GPSM2: variants seen among roughly 807,000 people sequenced by gnomAD.
GPSM2 encodes the protein G protein-signaling modulator 2.
A neutral mutation model predicts 78.4 loss-of-function variants in GPSM2; 58 were observed. The observed-to-expected ratio is 0.74, with a 90% CI of 0.60 to 0.92. The LOEUF is 0.92. Among genes scored for constraint, GPSM2 ranks in the 40% least tolerant of loss-of-function variants. The probability of loss-of-function intolerance (pLI) is 0.00; values close to 1 mark genes in which losing one functional copy is unlikely to be tolerated. For synonymous variants in GPSM2, 224 were observed against 280.2 expected (o/e 0.80, Z 2.00); for missense variants, 700 against 815.5 (o/e 0.86, Z 1.73).
At chr1:108,916,173 C>T (rs749732406) in intron 11 of GPSM2, among the ~76,000 whole-genome samples, 60 of 150,808 alleles carry the variant, frequency 4.0e-4, no homozygotes, top group South Asian at 2.1e-4. Context: ...GCAGGAGTAT[C>T]GTTTGAGCCT....
intron 2 of GPSM2, among the ~76,000 whole-genome samples, chr1:108,893,395 C>A (rs368369613): frequency 6.6e-6 from 1 of 152,128 alleles, no homozygotes; most frequent in South Asian, 2.1e-4. Context: ...TGAAATGATG[C>A]GCCATCATTA....
Position 108,898,074 on chromosome 1 carries a change from C to A in GPSM2, c.530C>A (p.Ala177Asp). 1 of 1,614,034 alleles carries A rather than the reference C, an allele frequency of 6.2e-7. No homozygotes were observed. The highest frequency in any genetic ancestry group is 1.1e-5 in the South Asian group (1 of 91,078). ...VGEFPEEVRD[A>D]LQAAVDFYEE... ...GAATTTCCAGAAGAAGTGAGAGATG[C>A]TCTGCAGGCAGCCGTGGATTTTTAT... The change falls in exon 5 of 15, where the codon GCT (alanine) becomes GAT (aspartate). Residue 177 changes from alanine to aspartate, a missense_variant. By Grantham distance (126) the Ala-to-Asp change is moderately radical (BLOSUM62 -2). Transcript: ENST00000264126.
intron 7 of GPSM2, among the ~76,000 whole-genome samples, chr1:108,900,906 TG>T (rs147441765): frequency 0.026 from 3,955 of 152,270 alleles, 167 homozygotes; most frequent in African/African-American, 0.09. Context: ...TAGTTATAAG[TG>T]ATATGAAGTA....
chr1:108,913,013 G>T (rs1664423), intron 10 of GPSM2, among the ~76,000 whole-genome samples: 72,434 of 151,884 alleles, frequency 0.48, 18,450 homozygotes, highest in African/African-American at 0.66. Flanking sequence ...TGGAGTACTG[G>T]TAGAAACTTA....
intron 10 of GPSM2, among the ~76,000 whole-genome samples, chr1:108,908,033 A>G (rs1349991485): frequency 2.0e-5 from 3 of 152,242 alleles, no homozygotes; most frequent in East Asian, 1.9e-4. Context: ...TGACCCATTC[A>G]TGAGTTATAA....
At chr1:108,920,848 T>C (rs764277432) in intron 12 of GPSM2, among the ~76,000 whole-genome samples, 6 of 152,206 alleles carry the variant, frequency 3.9e-5, no homozygotes, top group African/African-American at 7.2e-5. Context: ...GCCCATACTT[T>C]AGGAGCCATA....
rs200728371 is a variant in GPSM2 at position 108,924,031 on chromosome 1, G to A, written c.1632G>A (p.Thr544=). The A allele has an allele frequency of 9.3e-6, 15 of 1,611,372 alleles. No homozygotes were observed. The highest frequency in any genetic ancestry group is 4.0e-5 in the African/African-American group (3 of 74,846). Residue 544 remains threonine, a synonymous_variant, in exon 14 of 15, where the codon ACG becomes ACA. Coordinates refer to ENST00000264126, the MANE Select transcript of GPSM2 (RefSeq NM_013296.5). ...TSSVPVVSPN[T]DEFLDLLASS... ...CTGTTCCTGTGGTATCCCCCAACAC[G>A]GATGAGTTTTTAGATCTTCTTGCCA...
chr1:108,903,526 G>C (rs182302584), intron 9 of GPSM2, among the ~76,000 whole-genome samples: 7 of 152,210 alleles, frequency 4.6e-5, no homozygotes, highest in African/African-American at 1.7e-4. Flanking sequence ...AAGTAGCATG[G>C]TATTGAAGGA....
chr1:108,897,043 C>T lies in GPSM2; in HGVS notation c.236C>T (p.Ala79Val). The T allele has an allele frequency of 6.2e-7, 1 of 1,612,830 alleles. No individual in the cohort carries two copies. The highest frequency in any genetic ancestry group is 8.5e-7 in the Non-Finnish European group (1 of 1,179,014). The change falls in exon 3 of 15, where the codon GCC becomes GTC. Residue 79 changes from alanine (A) to valine (V), a missense_variant. Coordinates refer to ENST00000264126, the MANE Select transcript of GPSM2 (RefSeq NM_013296.5). The part of the protein sequence containing the change: ...GNAYFYLHDY[A>V]KALEYHHHDL... ...GCTTATTTCTATTTGCATGATTATG[C>T]CAAAGCATTAGAATATCACCATCAT...
chr1:108,928,519 T>C (rs763928278), intron 14 of GPSM2, among the ~76,000 whole-genome samples: 21 of 152,246 alleles, frequency 1.4e-4, no homozygotes, highest in Admixed American at 6.5e-5. Flanking sequence ...TGGGCTTAAA[T>C]GTTCAGGGAT....
chr1:108,908,139 A>G (rs940413039), intron 10 of GPSM2, among the ~76,000 whole-genome samples: 1 of 152,198 alleles, frequency 6.6e-6, no homozygotes, highest in African/African-American at 2.4e-5. Flanking sequence ...TGGGAGGCCA[A>G]GGCGAGCGGA....
chr1:108,885,362 C>T lies in GPSM2; in HGVS notation c.-161C>T. On this transcript the variant is annotated 5_prime_UTR_variant, in exon 2 of 15. Transcript: ENST00000264126. ...CTTTAAGCTGTCTGACATTGACCTC[C>T]TTTCATTATTAATAAAGAAGAATCA... 2 of 521,132 alleles carry T rather than the reference C, an allele frequency of 3.8e-6. No individual in the cohort carries two copies. Among genetic ancestry groups the T allele is most frequent in the Non-Finnish European group, 6.8e-6 (2 of 295,404 alleles). 32.3% of individuals were successfully genotyped at this position (521,132 alleles called of 1,614,324 possible). A position where few individuals can be genotyped will look rare whatever the true frequency, so the allele number is the denominator to read the frequency against.
rs868840987 is a variant in GPSM2, at chr1:108,886,723, A to G, written c.56+1145A>G. On this transcript the variant is annotated intron_variant, in intron 2 of 14. Coordinates refer to ENST00000264126, the MANE Select transcript of GPSM2 (RefSeq NM_013296.5). Reference sequence around the variant, plus strand: ...GGGGGTGGATGCTTCCCACTGATCTAGATCAGGATCCAAATCAGACATACA... The same window carrying G: ...GGGGGTGGATGCTTCCCACTGATCTGGATCAGGATCCAAATCAGACATACA... Among the ~76,000 whole-genome samples the G allele has an allele frequency of 5.9e-5, 9 of 152,226 alleles. 2 individuals carry two copies. The highest frequency in any genetic ancestry group is 5.9e-4 in the Admixed American group (9 of 15,286).
chr1:108,916,241 AGAGT>A (rs1650218255), intron 11 of GPSM2, among the ~76,000 whole-genome samples: 1 of 151,766 alleles, frequency 6.6e-6, no homozygotes, highest in Admixed American at 6.6e-5. Flanking sequence ...CCTGGGTGAC[AGAGT>A]GAGACCCTGT....
chr1:108,887,368 C>G (rs957626440), intron 2 of GPSM2, among the ~76,000 whole-genome samples: 2 of 152,134 alleles, frequency 1.3e-5, no homozygotes, highest in African/African-American at 4.8e-5. Context: ...TTTGAGAAAG[C>G]TGCTCTCCAG....
chr1:108,920,191 G>A (rs1650592910), intron 12 of GPSM2, among the ~76,000 whole-genome samples: 1 of 151,176 alleles, frequency 6.6e-6, no homozygotes. Context: ...AAAATTGGCT[G>A]GGCGCAGTGG....
At chr1:108,911,460 G>A (rs1649735867) in intron 10 of GPSM2, among the ~76,000 whole-genome samples, 1 of 152,138 alleles carries the variant, frequency 6.6e-6, no homozygotes, top group Non-Finnish European at 1.5e-5. Flanking sequence ...CCAGGAGGTG[G>A]AGGTTGCAGT....
At chr1:108,910,587 G>A (rs1166742452) in intron 10 of GPSM2, among the ~76,000 whole-genome samples, 4 of 152,120 alleles carry the variant, frequency 2.6e-5, no homozygotes, top group East Asian at 1.9e-4. Flanking sequence ...ACGGGGAGCC[G>A]GGCGCAGTGG....
chr1:108,894,895 A>G (rs1648242845), intron 2 of GPSM2, among the ~76,000 whole-genome samples: 1 of 152,176 alleles, frequency 6.6e-6, no homozygotes, highest in South Asian at 2.1e-4. Flanking sequence ...TTTTAGCTTC[A>G]TCAGGTACAT....
Sources: gnomAD v4.1 joint callset for allele counts (sites outside exome capture counted in the v4.1 genomes callset) on GRCh38, gnomAD v4.1.1 for gene constraint, MANE v1.5 for transcripts, NCBI Gene and HGNC (gene_info 2026-07-23, HGNC 2026-07-21) for gene names.